The following PTPRB variants were observed in gnomAD, a reference collection of about 807,000 sequenced individuals.
PTPRB encodes receptor-type tyrosine-protein phosphatase beta.
A neutral mutation model predicts 238.1 loss-of-function variants in PTPRB; 97 were observed. That is an observed-to-expected ratio of 0.41 (90% CI 0.35 to 0.48). The LOEUF (loss-of-function observed/expected upper bound fraction) is 0.48. Ranked by LOEUF, PTPRB falls within the 20% of genes least tolerant of loss-of-function variation. PTPRB has a pLI of 0.30. For synonymous variants in PTPRB, 970 were observed against 995.4 expected (o/e 0.97, Z 0.48); for missense variants, 2,292 against 2,681.9 (o/e 0.85, Z 3.21).
chr12:70,532,531 T>C (rs1347196284), intron 31 of PTPRB, among the ~76,000 whole-genome samples: 1 of 152,204 alleles, frequency 6.6e-6, no homozygotes, highest in Non-Finnish European at 1.5e-5. Context: ...TAGGTATCTT[T>C]TTGTCAACTT....
chr12:70,557,244 G>T (rs566108063), intron 18 of PTPRB, among the ~76,000 whole-genome samples: 3 of 152,130 alleles, frequency 2.0e-5, no homozygotes, highest in African/African-American at 4.8e-5. Flanking sequence ...CATTCATTAT[G>T]GTTGAAGCAT....
intron 28 of PTPRB, among the ~76,000 whole-genome samples, chr12:70,536,685 C>A (rs1464442592): frequency 1.3e-5 from 2 of 152,192 alleles, no homozygotes; most frequent in African/African-American, 2.4e-5. Context: ...TTCATCTACT[C>A]CTTCTGCACT....
chr12:70,614,680 T>C (rs759552363), intron 3 of PTPRB, among the ~76,000 whole-genome samples: 1 of 152,176 alleles, frequency 6.6e-6, no homozygotes, highest in Non-Finnish European at 1.5e-5. Flanking sequence ...GTAGTTTTGT[T>C]ATGCAAACCT....
chr12:70,541,025 G>T (rs1018134998), intron 22 of PTPRB, 68 bp from the exon 23 acceptor site: 2 of 1,236,700 alleles, frequency 1.6e-6, no homozygotes, highest in Non-Finnish European at 2.3e-6. Context: ...CAGTAAGAAA[G>T]CTATTGAAGC....
rs139473020 is a variant in PTPRB, at chr12:70,603,037, G to GT, written c.979+6031dup. 8.4e-3 allele frequency among the ~76,000 whole-genome samples: 1,250 copies of GT among 148,152 alleles called. 12 individuals are homozygous for GT. Among genetic ancestry groups the GT allele is most frequent in the Admixed American group, 0.028 (422 of 14,938 alleles). On this transcript the variant is annotated intron_variant, in intron 4 of 33. Transcript: ENST00000334414. ...AATGGAAGGCAAACAGTTTTCCTTT[G>GT]TTTTTTTTTTGTTTGTTTTTTTCAT...
rs182897035 is a variant in PTPRB at position 70,551,080 on chromosome 12, G to C, written c.5387+1697C>G. ...CTGGCCAACTTTTGTGTTTTTAGTA[G>C]AGACGGAGTTTTACCATGTTGGCCA... On this transcript the variant is annotated intron_variant, in intron 21 of 33. Coordinates refer to ENST00000334414, the MANE Select transcript of PTPRB (RefSeq NM_001109754.4). 2.0e-3 allele frequency among the ~76,000 whole-genome samples: 305 copies of C among 152,258 alleles called. 1 individual carries two copies. The highest frequency in any genetic ancestry group is 0.01 in the Middle Eastern group (3 of 294).
At chr12:70,540,492 T>C in intron 23 of PTPRB, 1 of 212,156 alleles carries the variant, frequency 4.7e-6, no homozygotes, top group Non-Finnish European at 9.3e-6. Context: ...AACCACACTT[T>C]TCAGGATATT....
intron 3 of PTPRB, chr12:70,609,928 C>T (rs904380695): frequency 4.1e-6 from 4 of 966,778 alleles, no homozygotes; most frequent in Admixed American, 3.8e-5. Flanking sequence ...GTGGGCGCAG[C>T]GCGCTTCCCT....
chr12:70,577,561 C>T (rs1231393923), intron 10 of PTPRB, among the ~76,000 whole-genome samples: 2 of 152,148 alleles, frequency 1.3e-5, no homozygotes, highest in Admixed American at 6.5e-5. Context: ...TAAAATATTA[C>T]AGTATATATG....
At chr12:70,551,794 G>A (rs1876918356) in intron 21 of PTPRB, among the ~76,000 whole-genome samples, 1 of 152,094 alleles carries the variant, frequency 6.6e-6, no homozygotes, top group Non-Finnish European at 1.5e-5. Context: ...TGAGGATGCT[G>A]ATTGGGATGC....
chr12:70,523,479 C>T (rs1410586515), intron 33 of PTPRB, among the ~76,000 whole-genome samples: 1 of 152,066 alleles, frequency 6.6e-6, no homozygotes, highest in Non-Finnish European at 1.5e-5. Context: ...GACCCTGATA[C>T]CTTGATTGAC....
At chr12:70,565,668 A>G (rs1302305293) in intron 15 of PTPRB, among the ~76,000 whole-genome samples, 1 of 152,206 alleles carries the variant, frequency 6.6e-6, no homozygotes, top group Non-Finnish European at 1.5e-5. Context: ...GTCCCTGTCA[A>G]CATAACCATC....
intron 32 of PTPRB, among the ~76,000 whole-genome samples, chr12:70,530,521 CACAT>C (rs778740557): frequency 1.2e-3 from 181 of 151,988 alleles, no homozygotes; most frequent in Non-Finnish European, 1.9e-3. Context: ...CACACGTGTA[CACAT>C]ACATATGTGT....
intron 2 of PTPRB, among the ~76,000 whole-genome samples, chr12:70,632,092 G>T (rs1401313596): frequency 6.6e-6 from 1 of 152,094 alleles, no homozygotes; most frequent in Non-Finnish European, 1.5e-5. Flanking sequence ...ATACTCAAAG[G>T]ATTATAAATC....
intron 18 of PTPRB, among the ~76,000 whole-genome samples, chr12:70,557,005 A>G (rs1877783445): frequency 6.6e-6 from 1 of 152,232 alleles, no homozygotes; most frequent in Non-Finnish European, 1.5e-5. Flanking sequence ...CAAGGTAGAA[A>G]GGAAAACATA....
intron 2 of PTPRB, among the ~76,000 whole-genome samples, chr12:70,632,875 C>A (rs1016989029): frequency 1.3e-5 from 2 of 152,164 alleles, no homozygotes; most frequent in African/African-American, 4.8e-5. Context: ...TAATATGCAG[C>A]TTGGGTCAAA....
At chr12:70,535,034 G>GTCT (rs2136233887) in intron 29 of PTPRB, 79 bp from the exon 30 acceptor site, 1 of 1,475,488 alleles carries the variant, frequency 6.8e-7, no homozygotes, top group Non-Finnish European at 9.1e-7. Context: ...TCCTCTAAAT[G>GTCT]TCTTCCAAAG....
Position 70,569,797 on chromosome 12 carries a change from G to A in PTPRB, c.3512C>T (p.Thr1171Ile). ...FRHSQKVDSQ[T>I]IPKHVFEHTF... is the part of the protein sequence containing the mutation. ...GTGCTCAAAGACGTGCTTGGGAATA[G>A]TCTGAGAGTCAACCTTTTGACTGTG... Residue 1171 changes from threonine (T) to isoleucine (I), a missense_variant, in exon 14 of 34, where the codon ACT (threonine) becomes ATT (isoleucine). Transcript: ENST00000334414. The A allele has an allele frequency of 6.2e-7, 1 of 1,613,966 alleles. No individual in the cohort carries two copies. The highest frequency in any genetic ancestry group is 8.5e-7 in the Non-Finnish European group (1 of 1,179,884).
rs752528363 is a variant in PTPRB at position 70,569,928 on chromosome 12, A to G, written c.3381T>C (p.Ala1127=). 4 of 1,607,492 alleles carry G rather than the reference A, an allele frequency of 2.5e-6. No homozygotes were observed. Among genetic ancestry groups the G allele is most frequent in the Non-Finnish European group, 3.4e-6 (4 of 1,174,092 alleles). Residue 1127 remains alanine, a synonymous_variant, in exon 14 of 34, where the codon GCT becomes GCC. Coordinates refer to ENST00000334414, the MANE Select transcript of PTPRB (RefSeq NM_001109754.4). ...TGGGAGAAATGTGAATATTTTTGAC[A>G]GCACTAGGAACTAAAACAGAAAATA... is the stretch of plus-strand genomic sequence containing the variant. ...AFIEGFTVPS[A]VKNIHISPNG...
Sources: allele counts gnomAD v4.1 joint callset (sites outside exome capture counted in the v4.1 genomes callset), GRCh38; gene constraint gnomAD v4.1.1; transcripts MANE v1.5; gene names NCBI Gene and HGNC (gene_info 2026-07-23, HGNC 2026-07-21).